The following LRRTM4 variants were observed in gnomAD, a reference collection of about 807,000 sequenced individuals.
LRRTM4 encodes leucine rich repeat transmembrane neuronal 4.
LRRTM4 carries 25 observed loss-of-function variants against 47.6 expected under a neutral mutation model. The ratio of observed to expected loss-of-function variants is 0.53; its 90% CI spans 0.38 to 0.73. The LOEUF (loss-of-function observed/expected upper bound fraction) is 0.73. Among genes scored for constraint, LRRTM4 ranks in the 30% least tolerant of loss-of-function variants. The pLI is 0.00. For synonymous variants in LRRTM4, 311 were observed against 269.5 expected, an observed-to-expected ratio of 1.15 and a Z score of -1.51; for missense variants, 638 against 713.4, an observed-to-expected ratio of 0.89 and a Z score of 1.20.
At chr2:77,491,866 T>C (rs1678176964) in intron 3 of LRRTM4, among the ~76,000 whole-genome samples, 1 of 151,894 alleles carries the variant, frequency 6.6e-6, no homozygotes, top group Non-Finnish European at 1.5e-5. Flanking sequence ...GGCACATTTT[T>C]GAAGAACATA....
chr2:76,777,008 A>C (rs1259044575), intron 3 of LRRTM4, among the ~76,000 whole-genome samples: 23 of 130,470 alleles, frequency 1.8e-4, no homozygotes, highest in East Asian at 1.2e-3. Context: ...CCATTTATTA[A>C]ATAGGGAATC....
chr2:77,383,112 C>A (rs939025739), intron 3 of LRRTM4, among the ~76,000 whole-genome samples: 1 of 151,868 alleles, frequency 6.6e-6, no homozygotes, highest in Non-Finnish European at 1.5e-5. Context: ...AGAAATTACA[C>A]CAATGTCATG....
intron 3 of LRRTM4, among the ~76,000 whole-genome samples, chr2:76,900,319 A>C (rs1250965491): frequency 6.9e-6 from 1 of 144,944 alleles, no homozygotes; most frequent in Admixed American, 7.3e-5. Context: ...TGATATATAT[A>C]GTTTTTTGTA....
At chr2:76,847,536 G>A (rs1671871911) in intron 3 of LRRTM4, among the ~76,000 whole-genome samples, 2 of 151,878 alleles carry the variant, frequency 1.3e-5, no homozygotes, top group South Asian at 4.1e-4. Context: ...CGTATGGCCA[G>A]CAGGTCAGTC....
intron 3 of LRRTM4, among the ~76,000 whole-genome samples, chr2:77,220,318 T>A (rs994643587): frequency 4.6e-5 from 7 of 152,126 alleles, no homozygotes; most frequent in Non-Finnish European, 1.0e-4. Flanking sequence ...TCCAAAGGAA[T>A]GCAGCTCCTC....
chr2:77,436,122 A>T (rs1675589539), intron 3 of LRRTM4, among the ~76,000 whole-genome samples: 1 of 152,184 alleles, frequency 6.6e-6, no homozygotes, highest in African/African-American at 2.4e-5. Flanking sequence ...ACATATTAAA[A>T]GCGGTACCAA....
chr2:76,777,798 T>G (rs1246858853), intron 3 of LRRTM4, among the ~76,000 whole-genome samples: 1 of 127,026 alleles, frequency 7.9e-6, no homozygotes, highest in African/African-American at 3.1e-5. Context: ...AACACTATGT[T>G]GAATAGGAGT....
chr2:77,032,158 T>A (rs771441369), intron 3 of LRRTM4, among the ~76,000 whole-genome samples: 30 of 152,114 alleles, frequency 2.0e-4, no homozygotes, highest in Non-Finnish European at 2.1e-4. Context: ...GCAGTGACTT[T>A]CACATACAGG....
At chr2:76,808,139 C>A (rs1294041466) in intron 3 of LRRTM4, among the ~76,000 whole-genome samples, 1 of 151,688 alleles carries the variant, frequency 6.6e-6, no homozygotes, top group Admixed American at 6.6e-5. Flanking sequence ...CCTGCCTCAG[C>A]CTTACTCAGT....
At chr2:76,839,710 A>G (rs1283888650) in intron 3 of LRRTM4, among the ~76,000 whole-genome samples, 1 of 152,158 alleles carries the variant, frequency 6.6e-6, no homozygotes, top group East Asian at 1.9e-4. Context: ...AGTTTTATAT[A>G]TCATAATAAA....
Position 77,473,708 on chromosome 2 carries a change from G to A in LRRTM4, c.1551+44610C>T, listed in dbSNP as rs139529818. On this transcript the variant is annotated intron_variant, in intron 3 of 3. Coordinates refer to ENST00000409884, the MANE Select transcript of LRRTM4 (RefSeq NM_001134745.3). ...GAAGTGATAGTTGACCATGATTTGT[G>A]TTGATTTTCAATAAAGTTACTGCCA... 6.6e-3 allele frequency among the ~76,000 whole-genome samples: 1,008 copies of A among 152,218 alleles called. 4 individuals are homozygous for A. The highest frequency in any genetic ancestry group is 0.014 in the Middle Eastern group (4 of 294).
At chr2:77,481,839 T>C (rs1454424104) in intron 3 of LRRTM4, among the ~76,000 whole-genome samples, 2 of 151,696 alleles carry the variant, frequency 1.3e-5, no homozygotes, top group Non-Finnish European at 1.5e-5. Flanking sequence ...TTCACATTAC[T>C]ACAGACTAAC....
At chr2:77,078,677 G>A (rs1022344977) in intron 3 of LRRTM4, among the ~76,000 whole-genome samples, 1 of 152,132 alleles carries the variant, frequency 6.6e-6, no homozygotes, top group African/African-American at 2.4e-5. Flanking sequence ...TACACATATA[G>A]TTTAGTACAG....
At chr2:77,062,120 C>G (rs947432049) in intron 3 of LRRTM4, among the ~76,000 whole-genome samples, 2 of 152,040 alleles carry the variant, frequency 1.3e-5, no homozygotes, top group Non-Finnish European at 2.9e-5. Context: ...TTGAATTAAC[C>G]CTTGGGAAAG....
intron 3 of LRRTM4, among the ~76,000 whole-genome samples, chr2:77,141,085 C>A (rs1013994410): frequency 3.3e-5 from 5 of 152,108 alleles, no homozygotes; most frequent in Admixed American, 3.3e-4. Flanking sequence ...GGATCTAGAA[C>A]TAGAAATACC....
chr2:77,091,563 A>C (rs941948001), intron 3 of LRRTM4, among the ~76,000 whole-genome samples: 6 of 148,286 alleles, frequency 4.0e-5, no homozygotes, highest in Non-Finnish European at 8.8e-5. Flanking sequence ...TGCCAAACCC[A>C]TATACTCTCC....
At chr2:77,178,996 T>C (rs1043829138) in intron 3 of LRRTM4, among the ~76,000 whole-genome samples, 7 of 152,218 alleles carry the variant, frequency 4.6e-5, no homozygotes, top group African/African-American at 1.7e-4. Context: ...AGATAATATC[T>C]ATGGATTCAA....
At chr2:76,937,130 T>C (rs1674981894) in intron 3 of LRRTM4, among the ~76,000 whole-genome samples, 1 of 152,038 alleles carries the variant, frequency 6.6e-6, no homozygotes, top group Non-Finnish European at 1.5e-5. Flanking sequence ...GTCTTGGTGA[T>C]GGTAATTTTA....
At chr2:76,989,267 G>A (rs747390767) in intron 3 of LRRTM4, among the ~76,000 whole-genome samples, 6 of 151,690 alleles carry the variant, frequency 4.0e-5, no homozygotes, top group Admixed American at 6.6e-5. Context: ...ATCTACAATG[G>A]TCTGTTCAGC....
Sources: gnomAD v4.1 joint callset for allele counts (sites outside exome capture counted in the v4.1 genomes callset) on GRCh38, gnomAD v4.1.1 for gene constraint, MANE v1.5 for transcripts, NCBI Gene and HGNC (gene_info 2026-07-23, HGNC 2026-07-21) for gene names.